Variants in RIN3 observed in about 807,000 individuals in gnomAD.
RIN3 encodes Ras and Rab interactor 3.
A neutral mutation model predicts 76.3 loss-of-function variants in RIN3; 54 were observed. That is an observed-to-expected ratio of 0.71 (90% CI 0.57 to 0.89). The LOEUF is 0.89. RIN3 is among the 40% of genes least tolerant of loss of function. The pLI is 0.00. For missense variants in RIN3, 1,256 were observed against 1,322.1 expected (o/e 0.95, Z 0.78); for synonymous variants, 576 against 564.0 (o/e 1.02, Z -0.30).
At chr14:92,666,182 C>T (rs915989177) in intron 7 of RIN3, among the ~76,000 whole-genome samples, 1 of 152,172 alleles carries the variant, frequency 6.6e-6, no homozygotes. Flanking sequence ...ATGCCTCACC[C>T]ACCTGCCTCA....
At position 92,652,562 on chromosome 14, in the gene RIN3, G is replaced by A; in HGVS notation, c.1513G>A (p.Ala505Thr). The A allele has an allele frequency of 6.2e-7, 1 of 1,612,952 alleles. No homozygotes were observed. Among genetic ancestry groups the A allele is most frequent in the Non-Finnish European group, 8.5e-7 (1 of 1,179,896 alleles). ...TCCACCCAGAGAGGGCCAAAGCCCT[G>A]CTTCTCAGGCTGGGACTCAGCACCC... is the stretch of plus-strand genomic sequence containing the variant. ...PGPPREGQSP[A>T]SQAGTQHPPA... The change falls in exon 6 of 10, where the codon GCT (alanine) becomes ACT (threonine). Residue 505 changes from alanine (A) to threonine (T), a missense_variant. Coordinates refer to ENST00000216487, the MANE Select transcript of RIN3 (RefSeq NM_024832.5). The surrounding 1 kb of genome is among the most constrained non-coding windows in gnomAD (Gnocchi z 6.4).
At chr14:92,536,759 A>G (rs78697942) in intron 1 of RIN3, among the ~76,000 whole-genome samples, 24,108 of 150,270 alleles carry the variant, frequency 0.16, 2,147 homozygotes, top group Non-Finnish European at 0.18. Flanking sequence ...AAAAAAAAAA[A>G]AAAGAAACTG....
At chr14:92,573,603 TA>T (rs1566848826) in intron 2 of RIN3, among the ~76,000 whole-genome samples, 1 of 152,186 alleles carries the variant, frequency 6.6e-6, no homozygotes, top group Admixed American at 6.5e-5. Context: ...GAAACTCAGG[TA>T]AGATCAAAAG....
intron 7 of RIN3, among the ~76,000 whole-genome samples, chr14:92,673,720 G>A (rs980266814): frequency 3.3e-5 from 5 of 152,178 alleles, no homozygotes; most frequent in East Asian, 1.9e-4. Context: ...TGGCCAGGTC[G>A]ATCTCGAACT....
At chr14:92,668,699 A>G (rs1349401798) in intron 7 of RIN3, among the ~76,000 whole-genome samples, 1 of 152,214 alleles carries the variant, frequency 6.6e-6, no homozygotes, top group Non-Finnish European at 1.5e-5. Flanking sequence ...AGTTCAGACT[A>G]GATCAGTAGT....
At chr14:92,614,936 C>T (rs1181170667) in intron 3 of RIN3, among the ~76,000 whole-genome samples, 6 of 151,016 alleles carry the variant, frequency 4.0e-5, no homozygotes, top group Non-Finnish European at 8.9e-5. Context: ...CTCCGCCTCC[C>T]GGGTTCAAGT....
chr14:92,557,089 C>T (rs375024321), intron 2 of RIN3, among the ~76,000 whole-genome samples: 111 of 152,324 alleles, frequency 7.3e-4, no homozygotes, highest in South Asian at 1.2e-3. Flanking sequence ...GCATGCGGTA[C>T]GTCTGTCTGC....
At chr14:92,626,019 G>C (rs1015521166) in intron 4 of RIN3, among the ~76,000 whole-genome samples, 4 of 152,102 alleles carry the variant, frequency 2.6e-5, no homozygotes, top group African/African-American at 9.7e-5. Flanking sequence ...ATCCAAATCT[G>C]CATATTTCCT....
chr14:92,575,644 C>T (rs536672295), intron 2 of RIN3, among the ~76,000 whole-genome samples: 16 of 151,980 alleles, frequency 1.1e-4, no homozygotes, highest in South Asian at 2.1e-4. Flanking sequence ...ACTGTCATGG[C>T]GCTGGTGGGA....
intron 2 of RIN3, among the ~76,000 whole-genome samples, chr14:92,556,680 T>G (rs1897592746): frequency 6.6e-6 from 1 of 152,202 alleles, no homozygotes; most frequent in South Asian, 2.1e-4. Flanking sequence ...TATGTTCCTT[T>G]CACCTCCCAC....
At chr14:92,683,381 TTCTC>T (rs1396656723) in intron 8 of RIN3, among the ~76,000 whole-genome samples, 3 of 152,158 alleles carry the variant, frequency 2.0e-5, no homozygotes, top group Non-Finnish European at 4.4e-5. Flanking sequence ...GGACTCGGTT[TTCTC>T]TCTCTAAAAT....
intron 2 of RIN3, among the ~76,000 whole-genome samples, chr14:92,558,882 CTTTTCTTTT>C (rs1379230062): frequency 9.1e-6 from 1 of 110,222 alleles, no homozygotes; most frequent in African/African-American, 3.7e-5. Context: ...TTTTTCTTTT[CTTTTCTTTT>C]TTTTTTTTTT....
Position 92,676,591 on chromosome 14 carries a change from C to G in RIN3, c.2452C>G (p.Leu818Val). The stretch of plus-strand genomic sequence containing the variant: ...CATGATGGAGCTCATGGACCCCGCC[C>G]TGCAGCTGGGGGAGGGTGAGTCACC... Reference protein sequence around the residue: ...EYMMELMDPALQLGEGSYYLT... With the variant: ...EYMMELMDPAVQLGEGSYYLT... The change falls in exon 8 of 10, where the codon CTG (leucine) becomes GTG (valine). Residue 818 changes from leucine to valine, a missense_variant. Leu to Val is a conservative substitution (Grantham distance 32). Around this residue, in one of 3 missense-constraint regions of RIN3, gnomAD observed 428 missense variants for 521.2 expected, o/e 0.82. Transcript: ENST00000216487. The G allele has an allele frequency of 6.2e-7, 1 of 1,613,664 alleles. No individual in the cohort carries two copies. The highest frequency in any genetic ancestry group is 8.5e-7 in the Non-Finnish European group (1 of 1,179,846).
intron 4 of RIN3, among the ~76,000 whole-genome samples, chr14:92,620,234 C>T (rs1408097347): frequency 6.6e-6 from 1 of 152,196 alleles, no homozygotes; most frequent in Non-Finnish European, 1.5e-5. Flanking sequence ...TGCTGGCATG[C>T]CAGGTTTCTG....
Position 92,595,460 on chromosome 14 carries a change from C to T in RIN3, c.367+17983C>T, listed in dbSNP as rs1016626784. ...TTCTAAAGAGATGTTTCTAGGGGAACTTGGCTTTGAGGGGGTTTTCCCAAA... is the reference window on the plus strand; with the variant it reads ...TTCTAAAGAGATGTTTCTAGGGGAATTTGGCTTTGAGGGGGTTTTCCCAAA... On this transcript the variant is annotated intron_variant, in intron 3 of 9. Transcript: ENST00000216487. Among the ~76,000 whole-genome samples, 8 of 152,200 alleles carry T rather than the reference C, an allele frequency of 5.3e-5. No individual in the cohort carries two copies. In the East Asian group the frequency reaches 1.3e-3, roughly 26 times the overall value.
At chr14:92,562,967 C>A (rs1050489056) in intron 2 of RIN3, among the ~76,000 whole-genome samples, 9 of 152,076 alleles carry the variant, frequency 5.9e-5, no homozygotes, top group Admixed American at 2.6e-4. Context: ...GTTGTAGTAA[C>A]CTGAGTTGTG....
Position 92,656,485 on chromosome 14 carries a change from G to A in RIN3, c.2027-2676G>A, listed in dbSNP as rs920606357. Among the ~76,000 whole-genome samples, 5 of 152,196 alleles carry A rather than the reference G, an allele frequency of 3.3e-5. No individual in the cohort carries two copies. Among genetic ancestry groups the A allele is most frequent in the African/African-American group, 1.2e-4 (5 of 41,456 alleles). On this transcript the variant is annotated intron_variant, in intron 6 of 9. Coordinates refer to ENST00000216487, the MANE Select transcript of RIN3 (RefSeq NM_024832.5). This position sits in a 1 kb window ranked among gnomAD's most constrained non-coding sequence, Gnocchi z 5.2. ...GAGGTGGAGCACAAGCTGGACCTCT[G>A]CTGGAAACAGCAGGAATGACTTCAG...
At chr14:92,606,821 A>G (rs1380968545) in intron 3 of RIN3, among the ~76,000 whole-genome samples, 6 of 152,226 alleles carry the variant, frequency 3.9e-5, no homozygotes, top group African/African-American at 1.4e-4. Flanking sequence ...TGGTGCTGTC[A>G]CTTTGGAAAA....
intron 1 of RIN3, among the ~76,000 whole-genome samples, chr14:92,528,847 C>T (rs113593494): frequency 7.9e-4 from 121 of 152,232 alleles, no homozygotes; most frequent in African/African-American, 2.6e-3. Flanking sequence ...GAGCGGTTCG[C>T]GGGACACACT....
Sources: allele counts gnomAD v4.1 joint callset (sites outside exome capture counted in the v4.1 genomes callset), GRCh38; gene constraint gnomAD v4.1.1; regional missense constraint gnomAD v4.1.1; non-coding constraint Gnocchi (gnomAD v3.1); transcripts MANE v1.5; gene names NCBI Gene and HGNC (gene_info 2026-07-23, HGNC 2026-07-21).